VEPH1: variants seen among roughly 807,000 people sequenced by gnomAD.
The protein encoded by VEPH1 is ventricular zone expressed PH domain containing 1.
In VEPH1, 80 loss-of-function variants were observed where a neutral mutation model predicts 85.2. The observed-to-expected ratio is 0.94, with a 90% confidence interval of 0.78 to 1.13. The LOEUF (loss-of-function observed/expected upper bound fraction) is 1.13. Ranked by LOEUF, VEPH1 falls within the 50% of genes most tolerant of loss-of-function variation. The pLI is 0.00. For synonymous variants in VEPH1, 297 were observed against 348.0 expected, an observed-to-expected ratio of 0.85 and a Z score of 1.63; for missense variants, 955 against 980.5, an observed-to-expected ratio of 0.97 and a Z score of 0.35.
At position 157,371,621 on chromosome 3, in the gene VEPH1, A is replaced by G. The variant is rs557041827; in HGVS notation, c.1128-7109T>C. Among the ~76,000 whole-genome samples the G allele has an allele frequency of 3.9e-5, 6 of 152,268 alleles. No individual in the cohort carries two copies. The East Asian group carries it at 1.2e-3, about 29-fold the overall frequency. The stretch of plus-strand genomic sequence containing the variant: ...CCCAGGTGTCCAGTGACACGTTCAA[A>G]TTTTGAGAAGCGATGGCCCAGACAA... On this transcript the variant is annotated intron_variant, in intron 7 of 13. Coordinates refer to ENST00000362010, the MANE Select transcript of VEPH1 (RefSeq NM_001167912.2).
chr3:157,403,674 T>C (rs1265756693), intron 6 of VEPH1, among the ~76,000 whole-genome samples: 1 of 152,192 alleles, frequency 6.6e-6, no homozygotes, highest in African/African-American at 2.4e-5. Flanking sequence ...TAATGCATGA[T>C]ATTTCCTGAC....
Position 157,352,716 on chromosome 3 carries a change from C to T in VEPH1, c.1735+10648G>A, listed in dbSNP as rs143367193. Among the ~76,000 whole-genome samples, 348 of 152,286 alleles carry T rather than the reference C, an allele frequency of 2.3e-3. 1 individual carries two copies. Among genetic ancestry groups the T allele is most frequent in the African/African-American group, 8.0e-3 (333 of 41,568 alleles). ...AGCAACAACAACAAAAAAACCTTGG[C>T]TGAATAACTAATGTTTTATACTTTG... On this transcript the variant is annotated intron_variant, in intron 9 of 13. Transcript: ENST00000362010.
chr3:157,335,720 G>A (rs535643751), intron 9 of VEPH1, among the ~76,000 whole-genome samples: 13 of 152,122 alleles, frequency 8.5e-5, no homozygotes, highest in Non-Finnish European at 1.6e-4. Context: ...TCAACTATGC[G>A]TACTTTTTTT....
chr3:157,435,070 CTTT>C (rs376408193), intron 4 of VEPH1, among the ~76,000 whole-genome samples: 1 of 149,768 alleles, frequency 6.7e-6, no homozygotes, highest in South Asian at 2.1e-4. Flanking sequence ...TTTCAATTAA[CTTT>C]TTTTTTTAAT....
intron 2 of VEPH1, among the ~76,000 whole-genome samples, chr3:157,471,749 T>G (rs1736981747): frequency 6.6e-6 from 1 of 152,058 alleles, no homozygotes; most frequent in Admixed American, 6.5e-5. Context: ...GTACAATATA[T>G]TTTTCTATTA....
At chr3:157,341,782 C>T (rs55884517) in intron 9 of VEPH1, among the ~76,000 whole-genome samples, 35,423 of 151,680 alleles carry the variant, frequency 0.23, 4,718 homozygotes, top group South Asian at 0.33. Context: ...AGAGAAAGGT[C>T]GGGTTACCCA....
rs1726302730 is a variant in VEPH1, at chr3:157,363,636, C to G, written c.1463G>C (p.Gly488Ala). The change falls in exon 9 of 14, where the codon GGA becomes GCA. Residue 488 changes from glycine to alanine, a missense_variant. Coordinates refer to ENST00000362010, the MANE Select transcript of VEPH1 (RefSeq NM_001167912.2). ...TGTCTTAAACGGCAGCTTGTCATTT[C>G]CTTGGCCAAGTGGGTCTATTTCTGA... ...SLSEIDPLGQ[G>A]NDKLPFKTDT... is the part of the protein sequence containing the mutation. The G allele has an allele frequency of 3.7e-6, 6 of 1,614,104 alleles. No individual in the cohort carries two copies. Among genetic ancestry groups the G allele is most frequent in the Non-Finnish European group, 5.1e-6 (6 of 1,180,004 alleles).
intron 1 of VEPH1, among the ~76,000 whole-genome samples, chr3:157,495,932 T>A (rs1739625454): frequency 1.3e-5 from 2 of 152,160 alleles, no homozygotes; most frequent in Non-Finnish European, 2.9e-5. Context: ...TTGAACCCTT[T>A]CTTCCAGAAC....
chr3:157,363,738 G>A lies in VEPH1; in HGVS notation c.1361C>T (p.Thr454Ile). ...TGAACCCACACCCTTTGTGAGCATA[G>A]TGTGGAAAGCCAAACTTTTTGACCT... Reference protein sequence around the residue: ...FNRSKSLAFHTMLTKGVGSDD... With the variant: ...FNRSKSLAFHIMLTKGVGSDD... Residue 454 changes from threonine (T) to isoleucine (I), a missense_variant, in exon 9 of 14, where the codon ACT (threonine) becomes ATT (isoleucine). Transcript: ENST00000362010. 6.2e-7 allele frequency: 1 copy of A among 1,613,440 alleles called. No individual in the cohort carries two copies. The highest frequency in any genetic ancestry group is 1.3e-5 in the African/African-American group (1 of 75,024).
intron 6 of VEPH1, among the ~76,000 whole-genome samples, chr3:157,402,620 T>G (rs1351934738): frequency 6.6e-6 from 1 of 152,192 alleles, no homozygotes; most frequent in Non-Finnish European, 1.5e-5. Context: ...GTTTAGACCT[T>G]TATAGGATCT....
At chr3:157,478,977 G>A (rs1737754393) in intron 2 of VEPH1, among the ~76,000 whole-genome samples, 1 of 151,978 alleles carries the variant, frequency 6.6e-6, no homozygotes, top group Admixed American at 6.6e-5. Context: ...TCCAAAAAGG[G>A]GGAAAACCTG....
intron 2 of VEPH1, among the ~76,000 whole-genome samples, chr3:157,479,991 TTCTC>T (rs1192742807): frequency 1.3e-5 from 2 of 151,992 alleles, no homozygotes; most frequent in East Asian, 3.9e-4. Context: ...TCTTTTCACT[TTCTC>T]TCTTTCTTTC....
At chr3:157,415,880 T>A (rs9848774) in intron 5 of VEPH1, among the ~76,000 whole-genome samples, 63,886 of 151,840 alleles carry the variant, frequency 0.42, 14,395 homozygotes, top group Admixed American at 0.57. Flanking sequence ...TCAGATGAAC[T>A]GTTATTTCCT....
At chr3:157,418,075 C>T (rs115165150) in intron 5 of VEPH1, among the ~76,000 whole-genome samples, 1,959 of 152,220 alleles carry the variant, frequency 0.013, 36 homozygotes, top group African/African-American at 0.043. Flanking sequence ...AGAATAGACC[C>T]AAGGACGAAG....
chr3:157,301,298 AG>A (rs1183266147), intron 11 of VEPH1, among the ~76,000 whole-genome samples: 1 of 152,152 alleles, frequency 6.6e-6, no homozygotes, highest in Non-Finnish European at 1.5e-5. Flanking sequence ...GGAGAAGCAG[AG>A]GGTTCTTATA....
chr3:157,291,033 T>G (rs1374503867), intron 11 of VEPH1, among the ~76,000 whole-genome samples: 1 of 152,198 alleles, frequency 6.6e-6, no homozygotes, highest in African/African-American at 2.4e-5. Context: ...CAGAAATCAG[T>G]GAAAGCATAC....
At position 157,286,505 on chromosome 3, in the gene VEPH1, C is replaced by G. The variant is rs559288782; in HGVS notation, c.2128+52G>C. ...ACCTAGAAAAATGGAGCTGACAGATCCCTGTAATTTGGGGCACAAATGGTT... is the reference window on the plus strand; with the variant it reads ...ACCTAGAAAAATGGAGCTGACAGATGCCTGTAATTTGGGGCACAAATGGTT... On this transcript the variant is annotated intron_variant, in intron 12 of 13. Transcript: ENST00000362010. 5.0e-5 allele frequency: 72 copies of G among 1,429,282 alleles called. No individual in the cohort carries two copies. In the African/African-American group the frequency reaches 8.6e-4, roughly 17 times the overall value. 88.5% of individuals were successfully genotyped at this position (1,429,282 alleles called of 1,614,324 possible).
At chr3:157,379,058 A>G (rs1466602817) in intron 7 of VEPH1, among the ~76,000 whole-genome samples, 1 of 152,206 alleles carries the variant, frequency 6.6e-6, no homozygotes, top group Non-Finnish European at 1.5e-5. Context: ...TCATTTGGTG[A>G]AAATATTTGA....
chr3:157,365,901 T>C (rs1194011520), intron 7 of VEPH1, among the ~76,000 whole-genome samples: 1 of 152,172 alleles, frequency 6.6e-6, no homozygotes, highest in Non-Finnish European at 1.5e-5. Context: ...TCAGGCATGA[T>C]TGATTAAATG....
Sources: allele counts gnomAD v4.1 joint callset (sites outside exome capture counted in the v4.1 genomes callset), GRCh38; gene constraint gnomAD v4.1.1; transcripts MANE v1.5; gene names NCBI Gene and HGNC (gene_info 2026-07-23, HGNC 2026-07-21).